The following ZNF813 variants were observed in gnomAD, a reference collection of about 807,000 sequenced individuals.
ZNF813 encodes the protein zinc finger protein 813.
ZNF813 carries 3 observed loss-of-function variants against 7.2 expected under a neutral mutation model. That is an observed-to-expected ratio of 0.42 (90% CI 0.19 to 1.08). The LOEUF is 1.08. Ranked by LOEUF, ZNF813 falls within the 50% of genes least tolerant of loss-of-function variation. The pLI is 0.30. For synonymous variants in ZNF813, 227 were observed against 256.3 expected (o/e 0.89, Z 1.09); for missense variants, 714 against 753.3 (o/e 0.95, Z 0.61).
chr19:53,468,866 G>A (rs1296473506), intron 1 of ZNF813, among the ~76,000 whole-genome samples: 1 of 146,306 alleles, frequency 6.8e-6, no homozygotes, highest in Non-Finnish European at 1.5e-5. Flanking sequence ...ACTGCAAAGA[G>A]GCCTTCCTCT....
At chr19:53,473,362 G>C (rs566897145) in intron 1 of ZNF813, among the ~76,000 whole-genome samples, 6 of 152,106 alleles carry the variant, frequency 3.9e-5, no homozygotes, top group African/African-American at 1.4e-4. Flanking sequence ...TGGGCTTGTC[G>C]TCCCCTCCAG....
intron 1 of ZNF813, among the ~76,000 whole-genome samples, chr19:53,478,036 C>T (rs2147156791): frequency 6.6e-6 from 1 of 152,260 alleles, no homozygotes; most frequent in Middle Eastern, 3.4e-3. Flanking sequence ...CTTGGAATCC[C>T]TATTCAGCCA....
chr19:53,487,625 C>T (rs1184390034), intron 3 of ZNF813, among the ~76,000 whole-genome samples: 1 of 151,990 alleles, frequency 6.6e-6, no homozygotes, highest in Non-Finnish European at 1.5e-5. Flanking sequence ...TGGCAAAACT[C>T]CATCTCTACT....
rs1187703785 is a variant in ZNF813, at chr19:53,484,810, C to G, written c.15+973C>G. 2.0e-5 allele frequency among the ~76,000 whole-genome samples: 3 copies of G among 152,344 alleles called. No individual in the cohort carries two copies. The East Asian group carries it at 5.8e-4, about 29-fold the overall frequency. Reference sequence around the variant, plus strand: ...CAAACTGCTGATCTCAGGTGATCTGCCCACCTCAGTCTCCCAGAGTGCTGG... The same window carrying G: ...CAAACTGCTGATCTCAGGTGATCTGGCCACCTCAGTCTCCCAGAGTGCTGG... On this transcript the variant is annotated intron_variant, in intron 2 of 3. Coordinates refer to ENST00000396403, the MANE Select transcript of ZNF813 (RefSeq NM_001004301.4).
At chr19:53,478,847 A>C (rs1340680208) in intron 1 of ZNF813, among the ~76,000 whole-genome samples, 7 of 151,972 alleles carry the variant, frequency 4.6e-5, no homozygotes, top group Admixed American at 3.9e-4. Context: ...ATTTGTTCTT[A>C]TGTGTAATAG....
At chr19:53,482,956 A>G (rs2086416571) in intron 1 of ZNF813, among the ~76,000 whole-genome samples, 1 of 151,386 alleles carries the variant, frequency 6.6e-6, no homozygotes, top group South Asian at 2.1e-4. Context: ...ATTGTCACCC[A>G]GGCTGGAGTG....
At chr19:53,482,866 AG>A (rs1382830921) in intron 1 of ZNF813, among the ~76,000 whole-genome samples, 2 of 151,692 alleles carry the variant, frequency 1.3e-5, no homozygotes, top group Non-Finnish European at 2.9e-5. Context: ...CTGAGAGTAC[AG>A]GTGTGTGCCA....
In ZNF813 at chr19:53,491,547, T is replaced by C; in HGVS notation, c.1315T>C (p.Tyr439His). ...HHRLHSGEKP[Y>H]KCTECVKTFS... is the part of the protein sequence containing the mutation. The stretch of plus-strand genomic sequence containing the variant: ...TAGACTTCATAGTGGAGAGAAACCC[T>C]ACAAGTGTACTGAGTGTGTCAAGAC... Residue 439 changes from tyrosine (Y) to histidine (H), a missense_variant, in exon 4 of 4, where the codon TAC (tyrosine) becomes CAC (histidine). Coordinates refer to ENST00000396403, the MANE Select transcript of ZNF813 (RefSeq NM_001004301.4). 2.5e-6 allele frequency: 4 copies of C among 1,613,558 alleles called. No individual in the cohort carries two copies. Among genetic ancestry groups the C allele is most frequent in the Non-Finnish European group, 2.5e-6 (3 of 1,179,734 alleles).
At chr19:53,490,268 A>C in intron 3 of ZNF813, 107 bp from the exon 4 acceptor site, 1 of 1,278,942 alleles carries the variant, frequency 7.8e-7, no homozygotes. Flanking sequence ...TTTGAAGATC[A>C]TGTTGGGGAA....
intron 1 of ZNF813, among the ~76,000 whole-genome samples, chr19:53,481,373 T>A (rs1316755933): frequency 7.2e-6 from 1 of 138,772 alleles, no homozygotes; most frequent in Non-Finnish European, 1.5e-5. Flanking sequence ...TGAGATGGAG[T>A]TTCACTCTTG....
intron 1 of ZNF813, among the ~76,000 whole-genome samples, chr19:53,476,035 C>T (rs2617691): frequency 0.052 from 7,906 of 152,118 alleles, 700 homozygotes; most frequent in African/African-American, 0.18. Context: ...TCCTATTTGA[C>T]GTTGGGTGGC....
chr19:53,479,342 T>G (rs1600110554), intron 1 of ZNF813: 1 of 1,590,076 alleles, frequency 6.3e-7, no homozygotes, highest in African/African-American at 1.3e-5. Flanking sequence ...AGTAGCTGGG[T>G]GGGCACCATG....
intron 1 of ZNF813, chr19:53,479,829 G>A (rs2086399029): frequency 8.0e-6 from 9 of 1,120,890 alleles, no homozygotes; most frequent in Non-Finnish European, 1.2e-5. Context: ...GAGCAGATCA[G>A]ACTGATGGAC....
chr19:53,470,718 G>A (rs1161967273), intron 1 of ZNF813, among the ~76,000 whole-genome samples: 1 of 149,976 alleles, frequency 6.7e-6, no homozygotes, highest in Non-Finnish European at 1.5e-5. Flanking sequence ...CTGGAACATG[G>A]GATAATTTTT....
At chr19:53,480,196 G>C (rs770067066) in intron 1 of ZNF813, 2 of 757,264 alleles carry the variant, frequency 2.6e-6, no homozygotes, top group African/African-American at 3.4e-5. Context: ...TCTTCAATTG[G>C]AAGGCTGCTT....
Position 53,483,761 on chromosome 19 carries a change from A to G in ZNF813, c.-62A>G. 1 of 1,611,012 alleles carries G rather than the reference A, an allele frequency of 6.2e-7. No individual in the cohort carries two copies. The highest frequency in any genetic ancestry group is 2.2e-5 in the East Asian group (1 of 44,870). On this transcript the variant is annotated 5_prime_UTR_variant, in exon 2 of 4. Transcript: ENST00000396403. ...TTTCTAACATTCAGGATTGACTTCT[A>G]AAGACTCTTGGTATGTGAGGAAGAA...
At chr19:53,489,227 G>T (rs923443853) in intron 3 of ZNF813, among the ~76,000 whole-genome samples, 7 of 152,038 alleles carry the variant, frequency 4.6e-5, no homozygotes, top group African/African-American at 1.7e-4. Context: ...GGCTGGTCTC[G>T]AACTCCTGAC....
intron 2 of ZNF813, among the ~76,000 whole-genome samples, chr19:53,485,615 T>C (rs1166313479): frequency 4.6e-5 from 7 of 151,998 alleles, no homozygotes; most frequent in African/African-American, 1.2e-4. Context: ...TATCGTGATA[T>C]ATACATGCAT....
chr19:53,476,068 G>T (rs1486952030), intron 1 of ZNF813, among the ~76,000 whole-genome samples: 2 of 152,092 alleles, frequency 1.3e-5, no homozygotes, highest in Non-Finnish European at 2.9e-5. Context: ...GGCACAAATG[G>T]CTTGCTTCCA....
Sources: allele counts gnomAD v4.1 joint callset (sites outside exome capture counted in the v4.1 genomes callset), GRCh38; gene constraint gnomAD v4.1.1; transcripts MANE v1.5; gene names NCBI Gene and HGNC (gene_info 2026-07-23, HGNC 2026-07-21).